Variants in BUD23 observed in about 807,000 individuals in gnomAD.
The protein encoded by BUD23 is 18S rRNA (guanine-N(7))-methyltransferase.
A neutral mutation model predicts 47.0 loss-of-function variants in BUD23; 34 were observed. The ratio of observed to expected loss-of-function variants is 0.72; its 90% CI spans 0.55 to 0.96. BUD23 has a LOEUF of 0.96. Ranked by LOEUF, BUD23 falls within the 40% of genes least tolerant of loss-of-function variation. BUD23 has a pLI of 0.00. For missense variants in BUD23, 343 were observed against 361.2 expected (o/e 0.95, Z 0.41); for synonymous variants, 124 against 132.0 (o/e 0.94, Z 0.41).
intron 5 of BUD23, among the ~76,000 whole-genome samples, chr7:73,688,099 T>C (rs1354811918): frequency 1.3e-5 from 2 of 151,940 alleles, no homozygotes; most frequent in African/African-American, 2.4e-5. Flanking sequence ...GGTTTCACCA[T>C]GTTAGCCAGG....
chr7:73,688,664 AATTG>A (rs1798072892), intron 5 of BUD23, among the ~76,000 whole-genome samples: 1 of 152,208 alleles, frequency 6.6e-6, no homozygotes, highest in Non-Finnish European at 1.5e-5. Flanking sequence ...AGAATGTTAA[AATTG>A]ATTAAGTTTT....
intron 5 of BUD23, 39 bp downstream of exon 5, chr7:73,687,134 C>G (rs1166957282): frequency 6.3e-7 from 1 of 1,597,632 alleles, no homozygotes; most frequent in African/African-American, 1.3e-5. Flanking sequence ...TATTTAGAGA[C>G]AGGGTCTCAC....
At position 73,694,063 on chromosome 7, in the gene BUD23, C is replaced by G. The variant is rs782032131; in HGVS notation, c.701+13C>G. ...TCACCAATGAGAGGTAAAGCAACTG[C>G]TGAAGCCTGCCCCGGCTGCAGCGGG... is the stretch of plus-strand genomic sequence containing the variant. On this transcript the variant is annotated intron_variant, in intron 10 of 11. Coordinates refer to ENST00000265758, the MANE Select transcript of BUD23 (RefSeq NM_017528.5). The G allele has an allele frequency of 6.2e-7, 1 of 1,603,042 alleles. No individual in the cohort carries two copies. Among genetic ancestry groups the G allele is most frequent in the South Asian group, 1.1e-5 (1 of 90,016 alleles).
rs1554612001 is a variant in BUD23, at chr7:73,683,602, C to T, written c.-24C>T. ...ACCGGGTGCCGGCAGGCGCCAGTCGCAGGTGTGCTGCTGAGGCGTGAGAAT... is the reference window on the plus strand; with the variant it reads ...ACCGGGTGCCGGCAGGCGCCAGTCGTAGGTGTGCTGCTGAGGCGTGAGAAT... On this transcript the variant is annotated 5_prime_UTR_variant, in exon 1 of 12. Coordinates refer to ENST00000265758, the MANE Select transcript of BUD23 (RefSeq NM_017528.5). 3.1e-6 allele frequency: 5 copies of T among 1,597,450 alleles called. No individual in the cohort carries two copies. Among genetic ancestry groups the T allele is most frequent in the Non-Finnish European group, 4.3e-6 (5 of 1,173,116 alleles).
intron 5 of BUD23, among the ~76,000 whole-genome samples, chr7:73,688,878 G>A (rs1798081150): frequency 6.6e-6 from 1 of 152,158 alleles, no homozygotes; most frequent in Non-Finnish European, 1.5e-5. Flanking sequence ...TTTACATCTG[G>A]GAACAAGACC....
intron 5 of BUD23, among the ~76,000 whole-genome samples, chr7:73,688,138 C>T (rs1404586460): frequency 7.9e-5 from 12 of 152,088 alleles, no homozygotes; most frequent in African/African-American, 1.2e-4. Context: ...CCTCATGATC[C>T]GCCCTCTTCA....
At chr7:73,687,290 T>G (rs564070487) in intron 5 of BUD23, among the ~76,000 whole-genome samples, 195 bp downstream of exon 5, 2 of 152,254 alleles carry the variant, frequency 1.3e-5, no homozygotes, top group African/African-American at 4.8e-5. Context: ...AATTTTTTGT[T>G]TTTTTGAGAT....
chr7:73,691,104 G>A, intron 6 of BUD23, 92 bp downstream of exon 6: 2 of 1,130,078 alleles, frequency 1.8e-6, no homozygotes, highest in Non-Finnish European at 2.7e-6. Flanking sequence ...TCCCATGATG[G>A]GTAAGCTACT....
intron 7 of BUD23, 77 bp downstream of exon 7, chr7:73,692,723 A>T: frequency 7.0e-7 from 1 of 1,426,862 alleles, no homozygotes; most frequent in South Asian, 1.2e-5. Context: ...AGCGACAAAG[A>T]ATCTTATGCA....
intron 10 of BUD23, chr7:73,697,271 G>A (rs1798443464): frequency 9.8e-6 from 6 of 614,278 alleles, no homozygotes; most frequent in African/African-American, 1.8e-5. Context: ...AGGTGATGAT[G>A]TGTCATTGCA....
At chr7:73,697,398 A>C in intron 10 of BUD23, 2 of 1,531,464 alleles carry the variant, frequency 1.3e-6, no homozygotes, top group Non-Finnish European at 1.7e-6. Flanking sequence ...TGCCCACCCA[A>C]CAACCTCTGT....
chr7:73,684,873 G>C (rs1464863826), intron 2 of BUD23, among the ~76,000 whole-genome samples: 3 of 123,572 alleles, frequency 2.4e-5, no homozygotes, highest in African/African-American at 9.6e-5. Context: ...GCAGTGAGCC[G>C]ACATCACGGC....
chr7:73,684,628 T>TGGGGGGGGGGG (rs1797874176), intron 2 of BUD23, among the ~76,000 whole-genome samples: 1 of 33,248 alleles, frequency 3.0e-5, no homozygotes, highest in African/African-American at 1.2e-4. Flanking sequence ...GGGGGGGGGA[T>TGGGGGGGGGGG]GGGGGCGGGG....
chr7:73,686,859 G>A lies in BUD23; in HGVS notation c.224G>A (p.Gly75Glu). The A allele has an allele frequency of 1.2e-6, 2 of 1,614,214 alleles. No homozygotes were observed. The highest frequency in any genetic ancestry group is 2.2e-5 in the South Asian group (2 of 91,088). ...GLSGSYLSDE[G>E]HYWVGLDISP... is the part of the protein sequence containing the mutation. Reference sequence around the variant, plus strand: ...AGTGGAAGTTATCTGTCAGATGAAGGGCACTATTGGGTGGGCCTGGATATC... The same window carrying A: ...AGTGGAAGTTATCTGTCAGATGAAGAGCACTATTGGGTGGGCCTGGATATC... Residue 75 changes from glycine to glutamate, a missense_variant, in exon 4 of 12, where the codon GGG becomes GAG. Transcript: ENST00000265758.
At chr7:73,689,336 C>T (rs894990316) in intron 5 of BUD23, among the ~76,000 whole-genome samples, 7 of 151,976 alleles carry the variant, frequency 4.6e-5, no homozygotes, top group African/African-American at 1.4e-4. Context: ...CGTGAGCCAC[C>T]GCACCCGGCC....
intron 10 of BUD23, chr7:73,697,114 T>G (rs1166900619): frequency 3.1e-6 from 1 of 326,682 alleles, no homozygotes; most frequent in Non-Finnish European, 5.8e-6. Context: ...CACAGGGGTC[T>G]TCGGGGTTAC....
intron 2 of BUD23, among the ~76,000 whole-genome samples, chr7:73,685,495 G>C (rs1218578603): frequency 6.6e-6 from 1 of 152,200 alleles, no homozygotes; most frequent in Non-Finnish European, 1.5e-5. Flanking sequence ...CTATCGCCCA[G>C]GCCGAAGTGC....
intron 6 of BUD23, 81 bp from the exon 7 acceptor site, chr7:73,692,515 G>GT (rs1798230429): frequency 1.5e-6 from 2 of 1,351,138 alleles, no homozygotes; most frequent in Admixed American, 1.8e-5. Context: ...GAAATACTTG[G>GT]TGAATGAAGG....
At chr7:73,688,208 CATG>C (rs1457743473) in intron 5 of BUD23, among the ~76,000 whole-genome samples, 5 of 152,004 alleles carry the variant, frequency 3.3e-5, no homozygotes, top group Admixed American at 2.0e-4. Context: ...AAAAGCTAGA[CATG>C]GTGGTGGCCA....
Sources: allele counts gnomAD v4.1 joint callset (sites outside exome capture counted in the v4.1 genomes callset), GRCh38; gene constraint gnomAD v4.1.1; transcripts MANE v1.5; gene names NCBI Gene and HGNC (gene_info 2026-07-23, HGNC 2026-07-21).